The following PDE8B variants were observed in gnomAD, a reference collection of about 807,000 sequenced individuals.
PDE8B encodes high affinity cAMP-specific and IBMX-insensitive 3',5'-cyclic phosphodiesterase 8B.
PDE8B carries 26 observed loss-of-function variants against 101.3 expected under a neutral mutation model. That is an observed-to-expected ratio of 0.26 (90% confidence interval 0.19 to 0.36). PDE8B has a LOEUF of 0.36. Ranked by LOEUF, PDE8B falls within the 10% of genes least tolerant of loss-of-function variation. PDE8B has a pLI of 1.00. For synonymous variants in PDE8B, 424 were observed against 429.3 expected (o/e 0.99, Z 0.15); for missense variants, 810 against 1,163.1 (o/e 0.70, Z 4.42).
chr5:77,316,692 T>A (rs1484348377), intron 2 of PDE8B, among the ~76,000 whole-genome samples: 1 of 152,214 alleles, frequency 6.6e-6, no homozygotes, highest in Admixed American at 6.5e-5. Context: ...GTCTATAAAT[T>A]TGAATGTATT....
the PDE8B span, among the ~76,000 whole-genome samples, chr5:77,107,957 C>T: frequency 7.4e-4 from 113 of 152,274 alleles, 1 homozygote; most frequent in East Asian, 0.017. Context: ...ACACACTGAC[C>T]CAGCAGCATG....
chr5:77,207,888 G>A (rs1396937285), upstream of PDE8B, among the ~76,000 whole-genome samples: 1 of 152,168 alleles, frequency 6.6e-6, no homozygotes, highest in Non-Finnish European at 1.5e-5. Flanking sequence ...TTGAAGATGT[G>A]TTTGAGCTAC....
intron 6 of PDE8B, among the ~76,000 whole-genome samples, chr5:77,343,344 G>T (rs11748011): frequency 0.19 from 28,174 of 152,186 alleles, 3,349 homozygotes; most frequent in Middle Eastern, 0.32. Context: ...AGCCTACGTG[G>T]TATAGCTTAC....
upstream of PDE8B, among the ~76,000 whole-genome samples, chr5:77,207,745 T>C (rs1747620700): frequency 6.6e-6 from 1 of 152,206 alleles, no homozygotes; most frequent in South Asian, 2.1e-4. Flanking sequence ...CCCCTCCACT[T>C]GCACACTTCT....
intron 1 of PDE8B, among the ~76,000 whole-genome samples, chr5:77,282,014 A>G (rs1363580833): frequency 6.6e-6 from 1 of 151,980 alleles, no homozygotes; most frequent in Non-Finnish European, 1.5e-5. Flanking sequence ...GACTTTATAT[A>G]CTATCCCATT....
chr5:77,224,310 T>C (rs947460478), intron 1 of PDE8B, among the ~76,000 whole-genome samples: 2 of 152,218 alleles, frequency 1.3e-5, no homozygotes, highest in African/African-American at 4.8e-5. Flanking sequence ...TTGATAATAA[T>C]ATACAAGCCG....
rs1554093113 is a variant in PDE8B at position 77,378,046 on chromosome 5, A to ACC, written c.1168-22201_1168-22200insCC. ...CACACACACACACACACACACACAC[A>ACC]CACCCCCTGTTGGTTCTTTGTCTAG... On this transcript the variant is annotated intron_variant, in intron 10 of 21. Coordinates refer to ENST00000264917, the MANE Select transcript of PDE8B (RefSeq NM_003719.5). Among the ~76,000 whole-genome samples, 151 of 99,566 alleles carry ACC rather than the reference A, an allele frequency of 1.5e-3. 2 individuals are homozygous for ACC. In the East Asian group the frequency reaches 0.021, roughly 14 times the overall value. The allele number at this position is 99,566 out of a possible 152,430, so 65.3% of individuals were successfully genotyped here.
At chr5:77,405,696 T>G (rs1429949489) in intron 12 of PDE8B, among the ~76,000 whole-genome samples, 2 of 151,978 alleles carry the variant, frequency 1.3e-5, no homozygotes, top group African/African-American at 4.8e-5. Flanking sequence ...GGGGTGACCA[T>G]GAGAGTGCAG....
At chr5:77,308,701 G>A (rs1008192087) in intron 1 of PDE8B, among the ~76,000 whole-genome samples, 13 of 152,182 alleles carry the variant, frequency 8.5e-5, no homozygotes, top group African/African-American at 3.1e-4. Context: ...GCCATTGCCT[G>A]TCTGCCCCTA....
At chr5:77,263,617 A>G (rs1761075349) in intron 1 of PDE8B, among the ~76,000 whole-genome samples, 1 of 152,166 alleles carries the variant, frequency 6.6e-6, no homozygotes, top group South Asian at 2.1e-4. Flanking sequence ...GATTTGGTTT[A>G]TTAAGGTTAA....
intron 2 of PDE8B, among the ~76,000 whole-genome samples, chr5:77,323,606 C>T (rs68109413): frequency 0.056 from 8,579 of 152,030 alleles, 380 homozygotes; most frequent in African/African-American, 0.13. Flanking sequence ...GTAAGGAGTA[C>T]GTGAGTTTCA....
At position 77,417,900 on chromosome 5, in the gene PDE8B, A is replaced by G. The variant is rs144416939; in HGVS notation, c.1912-329A>G. ...AGGCAAATTGGTAATAGTTGTGATCACAGGCCACTTTCTGCTGTGGCAGAA... is the reference window on the plus strand; with the variant it reads ...AGGCAAATTGGTAATAGTTGTGATCGCAGGCCACTTTCTGCTGTGGCAGAA... On this transcript the variant is annotated intron_variant, in intron 17 of 21. Transcript: ENST00000264917. 2.8e-3 allele frequency among the ~76,000 whole-genome samples: 431 copies of G among 152,320 alleles called. 3 individuals are homozygous for G. The highest frequency in any genetic ancestry group is 9.8e-3 in the African/African-American group (407 of 41,574).
At chr5:77,125,249 G>T in the PDE8B span, among the ~76,000 whole-genome samples, 7 of 152,038 alleles carry the variant, frequency 4.6e-5, no homozygotes, top group Non-Finnish European at 8.8e-5. Flanking sequence ...TGATTCCCCC[G>T]CCTTGGCCTC....
At chr5:77,292,636 C>T (rs1426524866) in intron 1 of PDE8B, among the ~76,000 whole-genome samples, 2 of 152,142 alleles carry the variant, frequency 1.3e-5, no homozygotes, top group Non-Finnish European at 1.5e-5. Context: ...CTGAGCATTG[C>T]TGCCTGGTTT....
At chr5:77,418,893 G>A (rs1463990122) in intron 18 of PDE8B, among the ~76,000 whole-genome samples, 1 of 152,196 alleles carries the variant, frequency 6.6e-6, no homozygotes, top group Non-Finnish European at 1.5e-5. Context: ...TCTGATGAGA[G>A]TGGGTTAGAT....
chr5:77,089,475 A>C, the PDE8B span: 3 of 152,276 alleles, frequency 2.0e-5, no homozygotes, highest in Non-Finnish European at 4.4e-5. Context: ...AATAAATATG[A>C]TGCGCTTGAA....
the PDE8B span, among the ~76,000 whole-genome samples, chr5:77,132,768 G>A: frequency 7.9e-5 from 12 of 152,122 alleles, no homozygotes; most frequent in South Asian, 2.1e-4. Context: ...TTTTGGTTGC[G>A]TCTTTTTGGT....
At chr5:77,170,055 CT>C in the PDE8B span, among the ~76,000 whole-genome samples, 1 of 152,166 alleles carries the variant, frequency 6.6e-6, no homozygotes, top group African/African-American at 2.4e-5. Context: ...GAGGTTACCC[CT>C]GAGACCTGAA....
intron 20 of PDE8B, 85 bp downstream of exon 20, chr5:77,422,073 G>A: frequency 7.0e-7 from 1 of 1,418,798 alleles, no homozygotes; most frequent in Non-Finnish European, 9.8e-7. Flanking sequence ...CTCCAGCTGA[G>A]TAACTTTTTA....
Sources: gnomAD v4.1 joint callset for allele counts (sites outside exome capture counted in the v4.1 genomes callset) on GRCh38, gnomAD v4.1.1 for gene constraint, MANE v1.5 for transcripts, NCBI Gene and HGNC (gene_info 2026-07-23, HGNC 2026-07-21) for gene names.